CYB5R4: variants seen among roughly 807,000 people sequenced by gnomAD.
CYB5R4 encodes the protein N-terminal cytochrome b5 and cytochrome b5 oxidoreductase domain-containing protein.
CYB5R4 carries 55 observed loss-of-function variants against 70.2 expected under a neutral mutation model. That is an observed-to-expected ratio of 0.78 (90% confidence interval 0.63 to 0.98). The LOEUF (loss-of-function observed/expected upper bound fraction) is 0.98. CYB5R4 is among the 50% of genes least tolerant of loss of function. The pLI is 0.00. For synonymous variants in CYB5R4, 197 were observed against 199.5 expected (o/e 0.99, Z 0.11); for missense variants, 562 against 612.6 (o/e 0.92, Z 0.87).
At chr6:83,924,010 C>T (rs1167486405) in intron 9 of CYB5R4, among the ~76,000 whole-genome samples, 1 of 135,332 alleles carries the variant, frequency 7.4e-6, no homozygotes, top group Non-Finnish European at 1.5e-5. Context: ...GCGGAGCTTG[C>T]AGTGAGCCAA....
chr6:83,890,712 C>G (rs1237793255), intron 2 of CYB5R4, among the ~76,000 whole-genome samples: 1 of 152,082 alleles, frequency 6.6e-6, no homozygotes, highest in Non-Finnish European at 1.5e-5. Flanking sequence ...ACTTTACTGT[C>G]AACTTATTTT....
chr6:83,893,701 A>G lies in CYB5R4; in HGVS notation c.330+79A>G, dbSNP rs941341954. 4.5e-5 allele frequency: 37 copies of G among 827,350 alleles called. No homozygotes were observed. In the African/African-American group the frequency reaches 5.0e-4, roughly 11 times the overall value. 51.3% of individuals were successfully genotyped at this position (827,350 alleles called of 1,614,324 possible). A position where few individuals can be genotyped will look rare whatever the true frequency, so the allele number is the denominator to read the frequency against. ...ATCAGTGTGACATTTGTAGAAAGAA[A>G]GGAAATAGTTGCATAAATTCCAGAT... On this transcript the variant is annotated intron_variant, in intron 3 of 15. Coordinates refer to ENST00000369681, the MANE Select transcript of CYB5R4 (RefSeq NM_016230.4).
rs1466306961 is a variant in CYB5R4, at chr6:83,965,610, T to C, written c.*5732T>C. On this transcript the variant is annotated 3_prime_UTR_variant, in exon 16 of 16. Transcript: ENST00000369681. Reference sequence around the variant, plus strand: ...ACTTTTGAACTGTGGACTTTTGGGTTAATGCTGAAATGATTTAAGACTTTG... The same window carrying C: ...ACTTTTGAACTGTGGACTTTTGGGTCAATGCTGAAATGATTTAAGACTTTG... 6.6e-6 allele frequency: 1 copy of C among 152,210 alleles called. No homozygotes were observed. Among genetic ancestry groups the C allele is most frequent in the African/African-American group, 2.4e-5 (1 of 41,448 alleles). The allele number at this position is 152,210 out of a possible 1,614,324, so 9.4% of individuals were successfully genotyped here.
intron 2 of CYB5R4, among the ~76,000 whole-genome samples, chr6:83,876,152 C>A (rs1040869395): frequency 2.6e-5 from 4 of 152,144 alleles, no homozygotes; most frequent in Non-Finnish European, 5.9e-5. Context: ...CTGGACAGTT[C>A]TCTAATATAG....
chr6:83,942,512 G>A (rs919908963), intron 14 of CYB5R4, among the ~76,000 whole-genome samples: 1 of 152,170 alleles, frequency 6.6e-6, no homozygotes. Flanking sequence ...CAGGGCCCTG[G>A]GTTTCAAGCA....
In CYB5R4 at chr6:83,966,522, T is replaced by C. The variant is rs1310087658; in HGVS notation, c.*6644T>C. 1 of 152,160 alleles carries C rather than the reference T, an allele frequency of 6.6e-6. No homozygotes were observed. Among genetic ancestry groups the C allele is most frequent in the Non-Finnish European group, 1.5e-5 (1 of 68,054 alleles). 9.4% of individuals were successfully genotyped at this position (152,160 alleles called of 1,614,324 possible). ...GCCTGACCAACATGGAGAAACCCTCTCTCTACTAAAAATACAAAATTAGCC... is the reference window on the plus strand; with the variant it reads ...GCCTGACCAACATGGAGAAACCCTCCCTCTACTAAAAATACAAAATTAGCC... On this transcript the variant is annotated 3_prime_UTR_variant, in exon 16 of 16. Coordinates refer to ENST00000369681, the MANE Select transcript of CYB5R4 (RefSeq NM_016230.4).
At chr6:83,946,388 A>G (rs1299066084) in intron 14 of CYB5R4, among the ~76,000 whole-genome samples, 1 of 152,052 alleles carries the variant, frequency 6.6e-6, no homozygotes, top group African/African-American at 2.4e-5. Flanking sequence ...TCATGCTAAA[A>G]ACACTCAAAC....
chr6:83,959,197 A>G (rs538188329), intron 15 of CYB5R4, among the ~76,000 whole-genome samples: 1 of 152,320 alleles, frequency 6.6e-6, no homozygotes, highest in Non-Finnish European at 1.5e-5. Context: ...TGCTTAATGA[A>G]CTAATGGATC....
chr6:83,917,297 T>A (rs944145217), intron 5 of CYB5R4, among the ~76,000 whole-genome samples: 2 of 152,100 alleles, frequency 1.3e-5, no homozygotes, highest in African/African-American at 4.8e-5. Flanking sequence ...GTAAAAAGTG[T>A]AAATTGGTAC....
Position 83,934,658 on chromosome 6 carries a change from T to G in CYB5R4, c.878T>G (p.Phe293Cys), listed in dbSNP as rs1404391263. The change falls in exon 11 of 16, where the codon TTC (phenylalanine) becomes TGC (cysteine). Residue 293 changes from phenylalanine (F) to cysteine (C), a missense_variant. Transcript: ENST00000369681. ...KEDVTHDTRL[F>C]CLMLPPSTHL... ...GATGTTACTCATGATACGAGGCTTT[T>G]CTGTTTGATGCTGCCACCAAGCACT... is the stretch of plus-strand genomic sequence containing the variant. The G allele has an allele frequency of 6.2e-7, 1 of 1,613,780 alleles. No individual in the cohort carries two copies.
chr6:83,956,590 A>G (rs753321770), intron 15 of CYB5R4, among the ~76,000 whole-genome samples: 10 of 152,178 alleles, frequency 6.6e-5, no homozygotes, highest in Non-Finnish European at 1.2e-4. Flanking sequence ...TTTAAAAGGT[A>G]CTAGACTCTT....
chr6:83,871,837 C>G (rs2099457687), intron 2 of CYB5R4, among the ~76,000 whole-genome samples: 1 of 151,886 alleles, frequency 6.6e-6, no homozygotes. Context: ...CCCTATATAT[C>G]CTTTTTCATT....
chr6:83,884,774 G>A (rs1173903865), intron 2 of CYB5R4, among the ~76,000 whole-genome samples: 1 of 152,120 alleles, frequency 6.6e-6, no homozygotes, highest in Non-Finnish European at 1.5e-5. Flanking sequence ...ATGAACAGTG[G>A]TGAATAATTG....
At chr6:83,908,547 A>G (rs1055594955) in intron 3 of CYB5R4, among the ~76,000 whole-genome samples, 2 of 152,204 alleles carry the variant, frequency 1.3e-5, no homozygotes, top group Admixed American at 6.5e-5. Flanking sequence ...CATGAAGGAT[A>G]TTCTTAAGTA....
chr6:83,902,260 C>T (rs1200791852), intron 3 of CYB5R4, among the ~76,000 whole-genome samples: 1 of 152,066 alleles, frequency 6.6e-6, no homozygotes, highest in South Asian at 2.1e-4. Flanking sequence ...TTCCCAGCAC[C>T]ATTTATTGAA....
At chr6:83,943,998 T>G (rs1203173637) in intron 14 of CYB5R4, among the ~76,000 whole-genome samples, 1 of 152,138 alleles carries the variant, frequency 6.6e-6, no homozygotes, top group African/African-American at 2.4e-5. Flanking sequence ...TGGAACCAAG[T>G]TGGAAAATAC....
At chr6:83,891,027 C>T (rs2099461043) in intron 2 of CYB5R4, among the ~76,000 whole-genome samples, 2 of 152,110 alleles carry the variant, frequency 1.3e-5, no homozygotes, top group Non-Finnish European at 2.9e-5. Context: ...ACTGCAGCCT[C>T]AAACTTCTGT....
chr6:83,942,693 C>T (rs1220118747), intron 14 of CYB5R4, among the ~76,000 whole-genome samples: 3 of 152,178 alleles, frequency 2.0e-5, no homozygotes, highest in Admixed American at 2.0e-4. Flanking sequence ...CAACGGAGCC[C>T]AGCAAGCTAA....
At chr6:83,899,064 C>T (rs186709156) in intron 3 of CYB5R4, among the ~76,000 whole-genome samples, 2 of 152,240 alleles carry the variant, frequency 1.3e-5, no homozygotes, top group East Asian at 1.9e-4. Context: ...GGAATGCTTC[C>T]AGTTTTTGCC....
Sources: gnomAD v4.1 joint callset for allele counts (sites outside exome capture counted in the v4.1 genomes callset) on GRCh38, gnomAD v4.1.1 for gene constraint, MANE v1.5 for transcripts, NCBI Gene and HGNC (gene_info 2026-07-23, HGNC 2026-07-21) for gene names.